Variants in USP18 observed in about 807,000 individuals in gnomAD.
The protein encoded by USP18 is ubiquitin specific peptidase 18.
Under a neutral mutation model 48.7 loss-of-function variants are expected in USP18, and 11 were observed. The ratio of observed to expected loss-of-function variants is 0.23; its 90% CI spans 0.14 to 0.37. The LOEUF (loss-of-function observed/expected upper bound fraction) is 0.37. USP18 is among the 10% of genes least tolerant of loss of function. The pLI, the probability that USP18 is intolerant of heterozygous loss-of-function variation, is 1.00. For synonymous variants in USP18, 114 were observed against 163.2 expected, an observed-to-expected ratio of 0.70 and a Z score of 2.30; for missense variants, 285 against 436.4, an observed-to-expected ratio of 0.65 and a Z score of 3.09.
rs540460968 is a variant in USP18 at position 18,166,104 on chromosome 22, C to CG, written c.401-1150dup. Among the ~76,000 whole-genome samples the CG allele has an allele frequency of 1.9e-3, 294 of 151,900 alleles. 1 individual carries two copies. The highest frequency in any genetic ancestry group is 6.4e-3 in the African/African-American group (265 of 41,418). On this transcript the variant is annotated intron_variant, in intron 4 of 10. Transcript: ENST00000215794. ...CGCAGTGAGCAGCTCCTCAGCTTTT[C>CG]GCTGCATAGGTACTGTGTTCAGCTT...
At chr22:18,159,244 T>C (rs1275585151) in intron 2 of USP18, among the ~76,000 whole-genome samples, 1 of 151,908 alleles carries the variant, frequency 6.6e-6, no homozygotes, top group Non-Finnish European at 1.5e-5. Context: ...TTAGTAAATA[T>C]GAGGTTTTAC....
At chr22:18,150,846 G>A (rs1478641978) in intron 1 of USP18, among the ~76,000 whole-genome samples, 1 of 152,210 alleles carries the variant, frequency 6.6e-6, no homozygotes, top group East Asian at 1.9e-4. Flanking sequence ...CAGCTACTCG[G>A]GAGGCTGAGG....
chr22:18,157,701 A>G lies in USP18; in HGVS notation c.38A>G (p.Gln13Arg). 6.2e-7 allele frequency: 1 copy of G among 1,614,092 alleles called. No homozygotes were observed. Residue 13 changes from glutamine to arginine, a missense_variant, in exon 2 of 11, where the codon CAG becomes CGG. Physicochemically the swap from Gln to Arg is conservative, Grantham distance 43. Transcript: ENST00000215794. The stretch of plus-strand genomic sequence containing the variant: ...TTTGGGCTCCTGAGGCAAATCTGTC[A>G]GTCCATCCTGGCTGAGTCCTCGCAG... ...KAFGLLRQICQSILAESSQSP... is the reference protein window; with the variant it reads ...KAFGLLRQICRSILAESSQSP...
intron 1 of USP18, among the ~76,000 whole-genome samples, chr22:18,152,033 G>A (rs979592454): frequency 2.6e-5 from 4 of 152,092 alleles, no homozygotes; most frequent in African/African-American, 7.2e-5. Context: ...CAGCCTGGGC[G>A]ACAGAGGGAG....
intron 2 of USP18, among the ~76,000 whole-genome samples, chr22:18,159,282 C>T (rs998485601): frequency 3.3e-5 from 5 of 152,250 alleles, no homozygotes; most frequent in Admixed American, 2.6e-4. Context: ...TATTGAACTC[C>T]TGACCTCAGG....
intron 2 of USP18, among the ~76,000 whole-genome samples, chr22:18,158,823 A>G (rs1410869457): frequency 6.6e-6 from 1 of 152,146 alleles, no homozygotes; most frequent in Non-Finnish European, 1.5e-5. Flanking sequence ...CAACATAGAC[A>G]TACTGGGGAG....
intron 10 of USP18, among the ~76,000 whole-genome samples, chr22:18,174,859 G>C (rs946260297): frequency 6.6e-6 from 1 of 152,176 alleles, no homozygotes; most frequent in Non-Finnish European, 1.5e-5. Flanking sequence ...GCCTGCCAAA[G>C]TGCTTGGATT....
chr22:18,157,736 G>T lies in USP18; in HGVS notation c.73G>T (p.Asp25Tyr). Reference protein sequence around the residue: ...ILAESSQSPADLEEKKEEDSN... With the variant: ...ILAESSQSPAYLEEKKEEDSN... ...GGCTGAGTCCTCGCAGTCCCCGGCA[G>T]ATCTTGAAGAAAAGAAGGAAGAAGA... Residue 25 changes from aspartate (D) to tyrosine (Y), a missense_variant, in exon 2 of 11, where the codon GAT becomes TAT. Transcript: ENST00000215794. 1.9e-6 allele frequency: 3 copies of T among 1,614,154 alleles called. No homozygotes were observed. Among genetic ancestry groups the T allele is most frequent in the Non-Finnish European group, 2.5e-6 (3 of 1,180,026 alleles).
chr22:18,158,750 C>T (rs1402225831), intron 2 of USP18, among the ~76,000 whole-genome samples: 2 of 152,286 alleles, frequency 1.3e-5, no homozygotes, highest in East Asian at 3.9e-4. Context: ...CCCAAAGTAA[C>T]CTTCTGATTT....
At chr22:18,169,674 T>G (rs1235323069) in intron 6 of USP18, among the ~76,000 whole-genome samples, 170 bp from the exon 7 acceptor site, 1 of 152,206 alleles carries the variant, frequency 6.6e-6, no homozygotes, top group Non-Finnish European at 1.5e-5. Flanking sequence ...TAGAAGCAGA[T>G]GCTGCCATGC....
At chr22:18,172,235 C>T (rs1602532358) in intron 8 of USP18, among the ~76,000 whole-genome samples, 2 of 152,208 alleles carry the variant, frequency 1.3e-5, no homozygotes. Flanking sequence ...TTTCCTATAA[C>T]CCACCCTCTT....
intron 1 of USP18, among the ~76,000 whole-genome samples, chr22:18,156,605 C>T (rs1301607351): frequency 6.6e-6 from 1 of 152,036 alleles, no homozygotes; most frequent in African/African-American, 2.4e-5. Flanking sequence ...CTCCTGAAGC[C>T]AGCGACACCA....
At chr22:18,156,411 A>T (rs362009) in intron 1 of USP18, among the ~76,000 whole-genome samples, 22,549 of 152,172 alleles carry the variant, frequency 0.15, 3,186 homozygotes, top group East Asian at 0.66. Flanking sequence ...CATTCTTTGC[A>T]GTAAGTCTTG....
chr22:18,156,721 C>T (rs560152104), intron 1 of USP18, among the ~76,000 whole-genome samples: 11 of 152,316 alleles, frequency 7.2e-5, no homozygotes, highest in African/African-American at 2.6e-4. Context: ...AGACCACAAA[C>T]CCACCAGAAG....
chr22:18,174,228 CTTTTCT>C (rs1929717603), intron 10 of USP18, among the ~76,000 whole-genome samples: 1 of 142,962 alleles, frequency 7.0e-6, no homozygotes, highest in African/African-American at 2.7e-5. Context: ...CTTTTCTTTT[CTTTTCT>C]TTTTTTTTTT....
intron 4 of USP18, among the ~76,000 whole-genome samples, chr22:18,162,179 G>T (rs1435269248): frequency 1.3e-5 from 2 of 152,114 alleles, no homozygotes; most frequent in South Asian, 2.1e-4. Context: ...GTAAGTGAAG[G>T]CATCTCCTCC....
At chr22:18,173,030 C>T (rs944217811) in intron 8 of USP18, 120 bp from the exon 9 acceptor site, 32 of 1,540,612 alleles carry the variant, frequency 2.1e-5, no homozygotes, top group Middle Eastern at 3.5e-4. Flanking sequence ...GGCTGTGGGT[C>T]GGGACTGTTT....
intron 1 of USP18, 121 bp from the exon 2 acceptor site, chr22:18,157,437 T>G: frequency 3.6e-6 from 2 of 548,738 alleles, no homozygotes; most frequent in East Asian, 3.3e-5. Flanking sequence ...TAGAGCTCTA[T>G]GAGTCAGTCT....
In USP18 at chr22:18,169,839, G is replaced by C. The variant is rs1314942132; in HGVS notation, c.628-5G>C. The C allele has an allele frequency of 6.3e-7, 1 of 1,584,054 alleles. No individual in the cohort carries two copies. Among genetic ancestry groups the C allele is most frequent in the South Asian group, 1.2e-5 (1 of 86,422 alleles). On this transcript the variant is annotated splice_polypyrimidine_tract_variant and splice_region_variant and intron_variant, in intron 6 of 10. Transcript: ENST00000215794. ...GCTTTTTCCCTGTTCTCTTGGGTGG[G>C]ACAGGAGGACGCCCTGCACTGCTTC... is the stretch of plus-strand genomic sequence containing the variant.
Sources: gnomAD v4.1 joint callset for allele counts (sites outside exome capture counted in the v4.1 genomes callset) on GRCh38, gnomAD v4.1.1 for gene constraint, MANE v1.5 for transcripts, NCBI Gene and HGNC (gene_info 2026-07-23, HGNC 2026-07-21) for gene names.